The following ITCH variants were observed in gnomAD, a reference collection of about 807,000 sequenced individuals.
ITCH encodes the protein E3 ubiquitin-protein ligase Itchy homolog.
A neutral mutation model predicts 126.8 loss-of-function variants in ITCH; 28 were observed. The observed-to-expected ratio is 0.22, with a 90% CI of 0.16 to 0.30. ITCH has a LOEUF of 0.30. ITCH is among the 10% of genes least tolerant of loss of function. The pLI is 1.00. For synonymous variants in ITCH, 342 were observed against 340.0 expected (o/e 1.01, Z -0.06); for missense variants, 631 against 1,032.4 (o/e 0.61, Z 5.33).
chr20:34,411,868 T>C (rs530568935), intron 4 of ITCH, among the ~76,000 whole-genome samples: 5 of 152,354 alleles, frequency 3.3e-5, no homozygotes, highest in Non-Finnish European at 5.9e-5. Context: ...GTATTCCTTA[T>C]TGGCATTTAG....
At position 34,477,774 on chromosome 20, in the gene ITCH, A is replaced by C; in HGVS notation, c.1572A>C (p.Ile524=). 1 of 1,613,342 alleles carries C rather than the reference A, an allele frequency of 6.2e-7. No individual in the cohort carries two copies. Among genetic ancestry groups the C allele is most frequent in the Non-Finnish European group, 8.5e-7 (1 of 1,179,562 alleles). The change falls in exon 17 of 25, where the codon ATA becomes ATC. Residue 524 remains isoleucine (I), a splice_region_variant and synonymous_variant. Coordinates refer to ENST00000374864, the MANE Select transcript of ITCH (RefSeq NM_031483.7). ...TATTTTACTTTATTTTTTTTTAGATAATGAGCTTCAGTCCCCAAGATCTGC... is the reference window on the plus strand; with the variant it reads ...TATTTTACTTTATTTTTTTTTAGATCATGAGCTTCAGTCCCCAAGATCTGC... ...KTLFEDSFQQ[I]MSFSPQDLRR...
intron 11 of ITCH, among the ~76,000 whole-genome samples, chr20:34,447,217 G>T (rs1984572399): frequency 6.9e-6 from 1 of 144,366 alleles, no homozygotes. Context: ...TCATCATCCT[G>T]TCCCCCCGCC....
At chr20:34,455,773 C>T (rs1487869720) in intron 12 of ITCH, among the ~76,000 whole-genome samples, 4 of 151,932 alleles carry the variant, frequency 2.6e-5, no homozygotes, top group Non-Finnish European at 4.4e-5. Flanking sequence ...CTACTGCGCC[C>T]GGCCAATATC....
intron 2 of ITCH, among the ~76,000 whole-genome samples, chr20:34,372,312 C>CAAA (rs368969042): frequency 0.013 from 978 of 72,936 alleles, 34 homozygotes; most frequent in East Asian, 0.047. Context: ...TACTTTGTCT[C>CAAA]AAAAAAAAAA....
chr20:34,439,268 T>A (rs759679688), intron 8 of ITCH, among the ~76,000 whole-genome samples: 2 of 152,156 alleles, frequency 1.3e-5, no homozygotes, highest in Non-Finnish European at 2.9e-5. Context: ...ATTATACATC[T>A]TCTCCTTTTT....
intron 7 of ITCH, among the ~76,000 whole-genome samples, chr20:34,437,108 G>A (rs1001154579): frequency 1.2e-4 from 18 of 151,718 alleles, no homozygotes; most frequent in Non-Finnish European, 2.5e-4. Flanking sequence ...CAGCCTGGGC[G>A]ATGGAATGAG....
chr20:34,442,948 C>G (rs113532086), intron 10 of ITCH, among the ~76,000 whole-genome samples: 2 of 150,474 alleles, frequency 1.3e-5, no homozygotes, highest in African/African-American at 4.9e-5. Flanking sequence ...TGCACTCCAG[C>G]CTGGGCGACA....
chr20:34,389,509 T>G (rs1035148502), intron 2 of ITCH, among the ~76,000 whole-genome samples: 2 of 152,100 alleles, frequency 1.3e-5, no homozygotes, highest in African/African-American at 4.8e-5. Context: ...AACTGCAGAC[T>G]AGATGCTACA....
chr20:34,438,477 G>T lies in ITCH; in HGVS notation c.525G>T (p.Val175=), dbSNP rs896670091. Residue 175 remains valine (V), a synonymous_variant, in exon 8 of 25, where the codon GTG becomes GTT. Transcript: ENST00000374864. The part of the protein sequence containing the change: ...DGSRSKDETR[V]STNGSDDPED... ...CTTTTCCCCTCTTCTTACCCAGAGT[G>T]AGCACAAATGGATCAGATGACCCTG... 6.2e-6 allele frequency: 10 copies of T among 1,613,578 alleles called. No individual in the cohort carries two copies. The highest frequency in any genetic ancestry group is 6.8e-6 in the Non-Finnish European group (8 of 1,179,928).
chr20:34,383,032 G>A (rs1308871041), intron 2 of ITCH, among the ~76,000 whole-genome samples: 1 of 151,662 alleles, frequency 6.6e-6, no homozygotes, highest in Non-Finnish European at 1.5e-5. Flanking sequence ...ATGAGCCACC[G>A]CGCCCAGTCC....
At chr20:34,507,576 C>G in intron 24 of ITCH, 119 bp from the exon 25 acceptor site, 1 of 770,716 alleles carries the variant, frequency 1.3e-6, no homozygotes, top group Non-Finnish European at 2.2e-6. Flanking sequence ...TGATGGTATC[C>G]TTTGAAGCAC....
intron 13 of ITCH, among the ~76,000 whole-genome samples, chr20:34,461,731 A>G (rs1305134806): frequency 6.6e-6 from 1 of 150,686 alleles, no homozygotes; most frequent in East Asian, 1.9e-4. Flanking sequence ...AAAAAAAAAA[A>G]AAGCAGGAGA....
chr20:34,367,985 T>G (rs889777514), intron 1 of ITCH, among the ~76,000 whole-genome samples: 3 of 152,144 alleles, frequency 2.0e-5, no homozygotes, highest in Non-Finnish European at 4.4e-5. Context: ...GAAATTTGTG[T>G]TAGGGCCGGG....
intron 2 of ITCH, among the ~76,000 whole-genome samples, chr20:34,380,895 C>G (rs1415264405): frequency 1.3e-5 from 2 of 152,028 alleles, no homozygotes; most frequent in African/African-American, 4.8e-5. Context: ...TCAGGAGATT[C>G]TCCTGCCTCA....
intron 23 of ITCH, among the ~76,000 whole-genome samples, chr20:34,504,112 C>T (rs1450145236): frequency 6.6e-6 from 1 of 151,986 alleles, no homozygotes; most frequent in Non-Finnish European, 1.5e-5. Context: ...AACTCCTGAC[C>T]TCAAGTGAGC....
At chr20:34,401,971 C>T (rs189797641) in intron 3 of ITCH, among the ~76,000 whole-genome samples, 36 of 152,000 alleles carry the variant, frequency 2.4e-4, no homozygotes, top group Non-Finnish European at 3.8e-4. Flanking sequence ...GCTAGGGATA[C>T]GGGGGGGCGG....
intron 3 of ITCH, among the ~76,000 whole-genome samples, chr20:34,395,856 G>A (rs1275629807): frequency 6.6e-6 from 1 of 151,988 alleles, no homozygotes; most frequent in African/African-American, 2.4e-5. Flanking sequence ...GTTGAGGGAT[G>A]TTTGGGTTGT....
chr20:34,399,776 G>A (rs2038804964), intron 3 of ITCH, among the ~76,000 whole-genome samples: 1 of 152,044 alleles, frequency 6.6e-6, no homozygotes, highest in Non-Finnish European at 1.5e-5. Context: ...GGGAGACAGA[G>A]GTTGCAGTAA....
chr20:34,439,309 T>G (rs1343724074), intron 8 of ITCH, among the ~76,000 whole-genome samples: 1 of 152,232 alleles, frequency 6.6e-6, no homozygotes, highest in Non-Finnish European at 1.5e-5. Context: ...AGGGTCTCAC[T>G]CTGTCACCCA....
Sources: gnomAD v4.1 joint callset for allele counts (sites outside exome capture counted in the v4.1 genomes callset) on GRCh38, gnomAD v4.1.1 for gene constraint, MANE v1.5 for transcripts, NCBI Gene and HGNC (gene_info 2026-07-23, HGNC 2026-07-21) for gene names.